The following VOPP1 variants were observed in gnomAD, a reference collection of about 807,000 sequenced individuals.
VOPP1 encodes the protein WW domain binding protein VOPP1.
Under a neutral mutation model 23.5 loss-of-function variants are expected in VOPP1, and 8 were observed. The ratio of observed to expected loss-of-function variants is 0.34; its 90% CI spans 0.20 to 0.61. The LOEUF (loss-of-function observed/expected upper bound fraction) is 0.61, where lower values mean the gene tolerates loss of function less well. VOPP1 is among the 20% of genes least tolerant of loss of function. VOPP1 has a pLI of 0.78. For synonymous variants in VOPP1, 83 were observed against 97.3 expected (o/e 0.85, Z 0.86); for missense variants, 174 against 238.1 (o/e 0.73, Z 1.77).
chr7:55,559,901 C>T (rs777183977), intron 1 of VOPP1, among the ~76,000 whole-genome samples: 1 of 152,218 alleles, frequency 6.6e-6, no homozygotes, highest in Non-Finnish European at 1.5e-5. Context: ...TGCCTGTAAT[C>T]CCAGCACCGC....
At chr7:55,443,644 CTTT>C (rs550168169) in intron 4 of VOPP1, among the ~76,000 whole-genome samples, 10 of 133,754 alleles carry the variant, frequency 7.5e-5, no homozygotes, top group Admixed American at 1.5e-4. Context: ...ATTATTGTCC[CTTT>C]TTTTTTTTTT....
chr7:55,514,839 T>G (rs1248780423), intron 2 of VOPP1, among the ~76,000 whole-genome samples: 1 of 152,188 alleles, frequency 6.6e-6, no homozygotes, highest in South Asian at 2.1e-4. Context: ...CTAGGACAAC[T>G]TGGGGCCATC....
chr7:55,554,328 G>A (rs1347716605), intron 1 of VOPP1, among the ~76,000 whole-genome samples: 1 of 152,218 alleles, frequency 6.6e-6, no homozygotes, highest in African/African-American at 2.4e-5. Context: ...ACAGGGCACT[G>A]AAGAGCACTG....
intron 1 of VOPP1, among the ~76,000 whole-genome samples, chr7:55,542,721 C>T (rs958783734): frequency 6.6e-6 from 1 of 151,484 alleles, no homozygotes; most frequent in Non-Finnish European, 1.5e-5. Context: ...ACCCTAGAAG[C>T]AGAGGTTGCA....
chr7:55,564,243 G>GTCTCTGTCTCTGTCTCTCTC (rs1554302403), intron 1 of VOPP1, among the ~76,000 whole-genome samples: 23 of 125,982 alleles, frequency 1.8e-4, no homozygotes, highest in East Asian at 1.6e-3. Context: ...CTCTGTCTCT[G>GTCTCTGTCTCTGTCTCTCTC]TCTCTCTCTC....
chr7:55,559,604 G>T (rs180904032), intron 1 of VOPP1, among the ~76,000 whole-genome samples: 1 of 152,164 alleles, frequency 6.6e-6, no homozygotes, highest in Non-Finnish European at 1.5e-5. Context: ...CCCTATCTGC[G>T]ATTTAACTTC....
rs573229370 is a variant in VOPP1, at chr7:55,517,724, C to T, written c.113+3348G>A. Among the ~76,000 whole-genome samples the T allele has an allele frequency of 9.2e-5, 14 of 152,226 alleles. No individual in the cohort carries two copies. In the East Asian group the frequency reaches 1.2e-3, roughly 13 times the overall value. ...CAAGCACTTCCAGTAGGGGTGTAGC[C>T]GCCGTCTCTTGCTTGCAGCAGACCT... On this transcript the variant is annotated intron_variant, in intron 2 of 4. Coordinates refer to ENST00000285279, the MANE Select transcript of VOPP1 (RefSeq NM_030796.5).
At chr7:55,503,965 C>A (rs1327529260) in intron 2 of VOPP1, among the ~76,000 whole-genome samples, 3 of 152,232 alleles carry the variant, frequency 2.0e-5, no homozygotes, top group African/African-American at 7.2e-5. Flanking sequence ...ATAGAAAAAT[C>A]ATCTCTGCAT....
chr7:55,448,108 ATT>A (rs1791146802), intron 4 of VOPP1, among the ~76,000 whole-genome samples: 2 of 152,278 alleles, frequency 1.3e-5, no homozygotes, highest in South Asian at 4.1e-4. Context: ...TGAAGGTAAT[ATT>A]TGTCAAAAGC....
chr7:55,544,354 T>C (rs990615531), intron 1 of VOPP1, among the ~76,000 whole-genome samples: 2 of 152,150 alleles, frequency 1.3e-5, no homozygotes, highest in Admixed American at 1.3e-4. Flanking sequence ...CACAATGGCA[T>C]GGTTTTTATG....
chr7:55,465,274 C>G (rs1329144448), intron 4 of VOPP1, among the ~76,000 whole-genome samples: 1 of 152,122 alleles, frequency 6.6e-6, no homozygotes, highest in Non-Finnish European at 1.5e-5. Flanking sequence ...AGATCTCATC[C>G]CATATAAGTA....
intron 3 of VOPP1, 99 bp downstream of exon 3, chr7:55,497,514 C>T: frequency 8.7e-7 from 1 of 1,149,740 alleles, no homozygotes; most frequent in Non-Finnish European, 1.3e-6. Flanking sequence ...AGGCCACCAC[C>T]CAAGTGAAGG....
chr7:55,526,270 G>C (rs1015945334), intron 1 of VOPP1, among the ~76,000 whole-genome samples: 3 of 152,220 alleles, frequency 2.0e-5, no homozygotes, highest in African/African-American at 7.2e-5. Context: ...TGCTCAAGGA[G>C]GACTCTGGAC....
chr7:55,453,438 GT>G (rs1171801426), intron 4 of VOPP1, among the ~76,000 whole-genome samples: 1 of 152,172 alleles, frequency 6.6e-6, no homozygotes, highest in African/African-American at 2.4e-5. Context: ...TTTAAAATGA[GT>G]GACATACAAC....
chr7:55,511,144 A>C (rs1039195837), intron 2 of VOPP1, among the ~76,000 whole-genome samples: 1 of 152,238 alleles, frequency 6.6e-6, no homozygotes, highest in Non-Finnish European at 1.5e-5. Flanking sequence ...AGAAAGGGAA[A>C]TCAGCAAAGA....
intron 1 of VOPP1, among the ~76,000 whole-genome samples, chr7:55,523,975 T>C (rs1001751440): frequency 6.6e-5 from 10 of 152,282 alleles, no homozygotes; most frequent in African/African-American, 2.2e-4. Flanking sequence ...ACTGAAAAGA[T>C]TATAAAAGAC....
intron 1 of VOPP1, among the ~76,000 whole-genome samples, chr7:55,526,452 G>A (rs1237078193): frequency 6.6e-6 from 1 of 152,212 alleles, no homozygotes; most frequent in Non-Finnish European, 1.5e-5. Flanking sequence ...GAGTGAGGAA[G>A]GACGCAGGAC....
intron 2 of VOPP1, among the ~76,000 whole-genome samples, chr7:55,514,786 A>C (rs1284977935): frequency 6.6e-6 from 1 of 152,200 alleles, no homozygotes; most frequent in Non-Finnish European, 1.5e-5. Context: ...CAGCCATTGC[A>C]TTCCCAGGCT....
At chr7:55,453,628 C>T (rs1307160296) in intron 4 of VOPP1, among the ~76,000 whole-genome samples, 1 of 152,178 alleles carries the variant, frequency 6.6e-6, no homozygotes, top group African/African-American at 2.4e-5. Flanking sequence ...GAGTTATTGG[C>T]ACCCTATAGT....
Sources: gnomAD v4.1 joint callset for allele counts (sites outside exome capture counted in the v4.1 genomes callset) on GRCh38, gnomAD v4.1.1 for gene constraint, MANE v1.5 for transcripts, NCBI Gene and HGNC (gene_info 2026-07-23, HGNC 2026-07-21) for gene names.